The following SNTG2 variants were observed in gnomAD, a reference collection of about 807,000 sequenced individuals.
SNTG2 encodes syntrophin gamma 2, also known as gamma-2-syntrophin.
A neutral mutation model predicts 70.9 loss-of-function variants in SNTG2; 74 were observed. The observed-to-expected ratio is 1.04, with a 90% CI of 0.86 to 1.27. The LOEUF (loss-of-function observed/expected upper bound fraction) is 1.27, where lower values mean the gene tolerates loss of function less well. Ranked by LOEUF, SNTG2 falls within the 50% of genes most tolerant of loss-of-function variation. The pLI is 0.00. For missense variants in SNTG2, 717 were observed against 690.7 expected (o/e 1.04, Z -0.43); for synonymous variants, 278 against 273.8 (o/e 1.02, Z -0.15).
intron 9 of SNTG2, among the ~76,000 whole-genome samples, chr2:1,221,416 G>C: frequency 8.3e-6 from 1 of 120,044 alleles, no homozygotes; most frequent in Non-Finnish European, 1.7e-5. Context: ...TCAGTCTCTG[G>C]TTTTGTCTCT....
At chr2:1,203,671 A>ATATATAT (rs1553355231) in intron 8 of SNTG2, among the ~76,000 whole-genome samples, 60 of 67,090 alleles carry the variant, frequency 8.9e-4, no homozygotes, top group Middle Eastern at 6.7e-3. Flanking sequence ...AACAAAAAAA[A>ATATATAT]AAATATATAT....
At chr2:1,225,128 A>G (rs753833184) in intron 9 of SNTG2, among the ~76,000 whole-genome samples, 10 of 152,164 alleles carry the variant, frequency 6.6e-5, no homozygotes, top group South Asian at 6.2e-4. Context: ...TGGCCTTATG[A>G]GTCACCTTGG....
chr2:967,725 C>T (rs1391692105), intron 1 of SNTG2, among the ~76,000 whole-genome samples: 4 of 152,108 alleles, frequency 2.6e-5, no homozygotes, highest in African/African-American at 4.8e-5. Flanking sequence ...CCTGTCCATA[C>T]GAATTAGAAA....
intron 1 of SNTG2, among the ~76,000 whole-genome samples, chr2:1,020,049 A>G (rs1423545069): frequency 6.6e-6 from 1 of 152,186 alleles, no homozygotes; most frequent in Non-Finnish European, 1.5e-5. Flanking sequence ...TCTCAAAGAA[A>G]AACAACAAGA....
intron 1 of SNTG2, among the ~76,000 whole-genome samples, chr2:1,057,312 TGAAAG>T (rs902612320): frequency 4.6e-5 from 7 of 152,234 alleles, no homozygotes; most frequent in East Asian, 1.9e-4. Flanking sequence ...TCTGTATGCC[TGAAAG>T]GAGAGTTGGT....
intron 1 of SNTG2, among the ~76,000 whole-genome samples, chr2:1,077,753 T>C (rs1180299597): frequency 6.6e-6 from 1 of 152,248 alleles, no homozygotes; most frequent in African/African-American, 2.4e-5. Context: ...TCCCTGTGAC[T>C]GTTGATCTCT....
intron 8 of SNTG2, among the ~76,000 whole-genome samples, chr2:1,174,713 T>G (rs1671357253): frequency 6.6e-6 from 1 of 152,324 alleles, no homozygotes; most frequent in South Asian, 2.1e-4. Flanking sequence ...TGACTTAATA[T>G]TTGAAGTACA....
At chr2:1,203,693 T>TGG (rs2147976315) in intron 8 of SNTG2, among the ~76,000 whole-genome samples, 1 of 148,084 alleles carries the variant, frequency 6.8e-6, no homozygotes, top group South Asian at 2.2e-4. Flanking sequence ...TATATATATG[T>TGG]GTGTGTGTGT....
intron 8 of SNTG2, among the ~76,000 whole-genome samples, chr2:1,184,389 A>G (rs1299390934): frequency 6.6e-6 from 1 of 152,230 alleles, no homozygotes; most frequent in Non-Finnish European, 1.5e-5. Flanking sequence ...ACTAAAACGT[A>G]TAGATTTTCA....
At chr2:1,011,271 T>C (rs761952264) in intron 1 of SNTG2, among the ~76,000 whole-genome samples, 95 of 152,344 alleles carry the variant, frequency 6.2e-4, no homozygotes, top group Non-Finnish European at 7.2e-4. Flanking sequence ...CTGAGCACTT[T>C]CTCAGCTGCT....
chr2:1,250,079 G>A (rs1428068716), intron 12 of SNTG2, among the ~76,000 whole-genome samples: 1 of 152,182 alleles, frequency 6.6e-6, no homozygotes, highest in African/African-American at 2.4e-5. Flanking sequence ...GTCCAGGAAG[G>A]AACTGGAAAT....
intron 8 of SNTG2, among the ~76,000 whole-genome samples, chr2:1,173,856 C>T (rs757213607): frequency 6.6e-6 from 1 of 152,270 alleles, no homozygotes; most frequent in Non-Finnish European, 1.5e-5. Context: ...GAGCTGCGCC[C>T]CTTGGGGAAT....
At chr2:1,300,115 A>G (rs140354630) in intron 14 of SNTG2, among the ~76,000 whole-genome samples, 90 of 150,938 alleles carry the variant, frequency 6.0e-4, no homozygotes, top group African/African-American at 2.1e-3. Flanking sequence ...TCTGAAGGGC[A>G]TGCAAGAAGT....
Position 956,626 on chromosome 2 carries a change from G to C in SNTG2, c.72+5558G>C, listed in dbSNP as rs958711644. 9.0e-4 allele frequency among the ~76,000 whole-genome samples: 137 copies of C among 152,342 alleles called. 1 individual carries two copies. The highest frequency in any genetic ancestry group is 3.2e-3 in the African/African-American group (133 of 41,576). On this transcript the variant is annotated intron_variant, in intron 1 of 16. Transcript: ENST00000308624. ...GTGAATGGGCCCATCTCGGTCGGGC[G>C]TCTAGGAGGGAAGTGGCACCTGGGT...
At chr2:1,284,834 A>G (rs1405938350) in intron 14 of SNTG2, among the ~76,000 whole-genome samples, 1 of 152,144 alleles carries the variant, frequency 6.6e-6, no homozygotes, top group African/African-American at 2.4e-5. Context: ...TTTATTGCAC[A>G]TAGGCTGTGT....
intron 9 of SNTG2, among the ~76,000 whole-genome samples, chr2:1,216,920 C>G (rs939610086): frequency 6.6e-6 from 1 of 152,092 alleles, no homozygotes; most frequent in Non-Finnish European, 1.5e-5. Context: ...TTCCCTTTCA[C>G]TCCTCACTCT....
chr2:1,364,737 C>CAA (rs371977526), intron 16 of SNTG2, among the ~76,000 whole-genome samples: 2,978 of 131,672 alleles, frequency 0.023, 77 homozygotes, highest in African/African-American at 0.074. Flanking sequence ...CTAAAAATAC[C>CAA]AAAAAAAAAA....
At chr2:1,138,351 G>T (rs545274851) in intron 6 of SNTG2, among the ~76,000 whole-genome samples, 1 of 152,336 alleles carries the variant, frequency 6.6e-6, no homozygotes, top group South Asian at 2.1e-4. Context: ...ATGGAGATGA[G>T]CTTTCTCCAA....
chr2:1,192,592 AAAT>A (rs767782230), intron 8 of SNTG2, among the ~76,000 whole-genome samples: 9 of 152,242 alleles, frequency 5.9e-5, no homozygotes, highest in East Asian at 1.9e-4. Context: ...GCTCCATCTC[AAAT>A]AATAATAATA....
Sources: allele counts gnomAD v4.1 joint callset (sites outside exome capture counted in the v4.1 genomes callset), GRCh38; gene constraint gnomAD v4.1.1; transcripts MANE v1.5; gene names NCBI Gene and HGNC (gene_info 2026-07-23, HGNC 2026-07-21).